The following SGPP2 variants were observed in gnomAD, a reference collection of about 807,000 sequenced individuals.
The protein encoded by SGPP2 is sphingosine-1-phosphate phosphatase 2.
In SGPP2, 30 loss-of-function variants were observed where a neutral mutation model predicts 33.9. The ratio of observed to expected loss-of-function variants is 0.89; its 90% CI spans 0.66 to 1.20. SGPP2 has a LOEUF of 1.20. Among genes scored for constraint, SGPP2 ranks in the 50% most tolerant of loss-of-function variants. The pLI, the probability that SGPP2 is intolerant of heterozygous loss-of-function variation, is 0.00. For missense variants in SGPP2, 458 were observed against 532.1 expected, an observed-to-expected ratio of 0.86 and a Z score of 1.37; for synonymous variants, 233 against 225.0, an observed-to-expected ratio of 1.04 and a Z score of -0.32.
chr2:222,552,302 G>A (rs1689306019), intron 4 of SGPP2, among the ~76,000 whole-genome samples: 3 of 152,156 alleles, frequency 2.0e-5, no homozygotes, highest in Non-Finnish European at 1.5e-5. Flanking sequence ...TTCCATAGTG[G>A]TTGTACTAGT....
intron 4 of SGPP2, among the ~76,000 whole-genome samples, chr2:222,553,287 G>A (rs1165449981): frequency 6.6e-6 from 1 of 152,192 alleles, no homozygotes; most frequent in Non-Finnish European, 1.5e-5. Context: ...TGATGGAAGC[G>A]ATTAAAGTGT....
intron 2 of SGPP2, among the ~76,000 whole-genome samples, chr2:222,506,621 G>A (rs2106122016): frequency 6.6e-6 from 1 of 152,100 alleles, no homozygotes; most frequent in Middle Eastern, 3.4e-3. Context: ...AGTCGTTTAT[G>A]TTGTTGGTAA....
At chr2:222,505,095 C>T (rs1278517568) in intron 2 of SGPP2, among the ~76,000 whole-genome samples, 2 of 152,158 alleles carry the variant, frequency 1.3e-5, no homozygotes, top group Non-Finnish European at 1.5e-5. Context: ...ATACATTCAG[C>T]TTCAGATTCC....
chr2:222,538,851 C>T (rs1354993213), intron 4 of SGPP2, among the ~76,000 whole-genome samples: 1 of 152,148 alleles, frequency 6.6e-6, no homozygotes, highest in African/African-American at 2.4e-5. Flanking sequence ...GGTGCTAAAC[C>T]ATTCATGAAG....
At chr2:222,503,504 T>A (rs1698397523) in intron 2 of SGPP2, among the ~76,000 whole-genome samples, 1 of 152,162 alleles carries the variant, frequency 6.6e-6, no homozygotes, top group Non-Finnish European at 1.5e-5. Flanking sequence ...ATGACAAAGA[T>A]CTCAAGTCCC....
rs534363778 is a variant in SGPP2, at chr2:222,457,796, TC to T, written c.220-16770del. On this transcript the variant is annotated intron_variant, in intron 1 of 4. Transcript: ENST00000321276. ...AGGGTAGTGCATGTCTGTGCTGTCC[TC>T]CACCCCAGGGAGGGTAGACCTGGGG... 2.2e-3 allele frequency among the ~76,000 whole-genome samples: 331 copies of T among 152,268 alleles called. 1 individual carries two copies. The highest frequency in any genetic ancestry group is 0.01 in the Middle Eastern group (3 of 294).
intron 2 of SGPP2, among the ~76,000 whole-genome samples, chr2:222,519,965 G>A (rs1698658907): frequency 6.6e-6 from 1 of 152,154 alleles, no homozygotes; most frequent in African/African-American, 2.4e-5. Flanking sequence ...GAATACTGCT[G>A]CAATGAACAG....
At chr2:222,545,906 C>T (rs1042941737) in intron 4 of SGPP2, among the ~76,000 whole-genome samples, 2 of 152,126 alleles carry the variant, frequency 1.3e-5, no homozygotes, top group Non-Finnish European at 2.9e-5. Flanking sequence ...GAGAACTGGT[C>T]TGTTACCAAA....
intron 2 of SGPP2, 79 bp from the exon 3 acceptor site, chr2:222,521,688 C>T (rs897738798): frequency 6.6e-6 from 10 of 1,507,474 alleles, no homozygotes; most frequent in Non-Finnish European, 7.1e-6. Context: ...CTGAGAACCC[C>T]AAAATATATC....
intron 2 of SGPP2, among the ~76,000 whole-genome samples, chr2:222,484,581 G>C (rs1164092556): frequency 1.3e-5 from 2 of 152,054 alleles, no homozygotes; most frequent in Non-Finnish European, 1.5e-5. Flanking sequence ...CCTCCTTTTG[G>C]ACTTATGCCA....
intron 4 of SGPP2, among the ~76,000 whole-genome samples, chr2:222,542,757 C>T (rs1439142265): frequency 6.6e-6 from 1 of 151,010 alleles, no homozygotes; most frequent in African/African-American, 2.4e-5. Flanking sequence ...CTTTCACTTA[C>T]TGATTTATTG....
rs113118208 is a variant in SGPP2 at position 222,478,267 on chromosome 2, T to TTGTGTG, written c.378+3565_378+3570dup. 3.0e-3 allele frequency among the ~76,000 whole-genome samples: 425 copies of TTGTGTG among 141,578 alleles called. 2 individuals carry two copies. Among genetic ancestry groups the TTGTGTG allele is most frequent in the South Asian group, 0.013 (55 of 4,272 alleles). 92.9% of individuals were successfully genotyped at this position (141,578 alleles called of 152,430 possible). ...TGCATCTTCGTGTATGTGCATGCAT[T>TTGTGTG]TGTGTGTGTGTGTGTGTGTGTGTGT... On this transcript the variant is annotated intron_variant, in intron 2 of 4. Transcript: ENST00000321276.
chr2:222,506,706 ACAGGG>A (rs900380959), intron 2 of SGPP2, among the ~76,000 whole-genome samples: 1 of 152,188 alleles, frequency 6.6e-6, no homozygotes, highest in Non-Finnish European at 1.5e-5. Context: ...TTTCAACTGC[ACAGGG>A]CACTGGTACT....
At chr2:222,438,364 T>C (rs1469230832) in intron 1 of SGPP2, among the ~76,000 whole-genome samples, 1 of 152,214 alleles carries the variant, frequency 6.6e-6, no homozygotes, top group Non-Finnish European at 1.5e-5. Context: ...CCAATCAGCA[T>C]AATGTCATCC....
intron 2 of SGPP2, among the ~76,000 whole-genome samples, chr2:222,475,596 C>T (rs555283668): frequency 2.0e-4 from 31 of 152,332 alleles, no homozygotes; most frequent in African/African-American, 6.7e-4. Flanking sequence ...CTTGAGAGAA[C>T]GTCTAGTGTA....
chr2:222,439,753 G>C (rs925833251), intron 1 of SGPP2, among the ~76,000 whole-genome samples: 3 of 152,162 alleles, frequency 2.0e-5, no homozygotes, highest in East Asian at 1.9e-4. Flanking sequence ...AAATTATAAA[G>C]GTGATAAACA....
At chr2:222,538,616 A>G (rs966831839) in intron 4 of SGPP2, among the ~76,000 whole-genome samples, 6 of 152,202 alleles carry the variant, frequency 3.9e-5, no homozygotes, top group African/African-American at 1.4e-4. Flanking sequence ...GTTTTAATTT[A>G]TAAAGAAAAG....
chr2:222,543,102 T>G (rs539751770), intron 4 of SGPP2, among the ~76,000 whole-genome samples: 1 of 152,356 alleles, frequency 6.6e-6, no homozygotes, highest in African/African-American at 2.4e-5. Context: ...CATCAATATT[T>G]ACCTTATGGT....
chr2:222,436,558 G>A (rs1271270159), intron 1 of SGPP2, among the ~76,000 whole-genome samples: 1 of 152,130 alleles, frequency 6.6e-6, no homozygotes, highest in East Asian at 1.9e-4. Context: ...TGGGGAACAT[G>A]GTACGACCAA....
Sources: allele counts gnomAD v4.1 joint callset (sites outside exome capture counted in the v4.1 genomes callset), GRCh38; gene constraint gnomAD v4.1.1; transcripts MANE v1.5; gene names NCBI Gene and HGNC (gene_info 2026-07-23, HGNC 2026-07-21).